Variants in IL17RD observed in about 807,000 individuals in gnomAD.
IL17RD encodes interleukin-17 receptor D.
IL17RD carries 52 observed loss-of-function variants against 80.5 expected under a neutral mutation model. That is an observed-to-expected ratio of 0.65 (90% CI 0.52 to 0.81). The LOEUF is 0.81. Among genes scored for constraint, IL17RD ranks in the 40% least tolerant of loss-of-function variants. The pLI is 0.00. For missense variants in IL17RD, 1,024 were observed against 955.1 expected, an observed-to-expected ratio of 1.07 and a Z score of -0.95; for synonymous variants, 416 against 391.8, an observed-to-expected ratio of 1.06 and a Z score of -0.73.
intron 1 of IL17RD, among the ~76,000 whole-genome samples, chr3:57,127,197 T>TAA (rs1553625528): frequency 2.5e-4 from 25 of 99,136 alleles, no homozygotes; most frequent in Admixed American, 2.1e-3. Flanking sequence ...TATATATATA[T>TAA]AAATATATAT....
chr3:57,097,527 C>T, intron 12 of IL17RD, 69 bp downstream of exon 12: 1 of 1,290,222 alleles, frequency 7.8e-7, no homozygotes, highest in South Asian at 1.3e-5. Context: ...TGGAAAAACG[C>T]TTTGACTGAT....
chr3:57,159,115 T>G (rs906740347), intron 1 of IL17RD, among the ~76,000 whole-genome samples: 1 of 147,804 alleles, frequency 6.8e-6, no homozygotes, highest in African/African-American at 2.5e-5. Flanking sequence ...ACAATGTCGA[T>G]ATCTCTTCTT....
In IL17RD at chr3:57,106,656, G is replaced by A. The variant is rs146390645; in HGVS notation, c.551-502C>T. ...TGATGGTTTCTTGAAATTACATGCA[G>A]GCATATAAGTAGTAGTGTCAGCACT... is the stretch of plus-strand genomic sequence containing the variant. On this transcript the variant is annotated intron_variant, in intron 5 of 12. Coordinates refer to ENST00000296318, the MANE Select transcript of IL17RD (RefSeq NM_017563.5). Among the ~76,000 whole-genome samples, 59 of 152,286 alleles carry A rather than the reference G, an allele frequency of 3.9e-4. 1 individual carries two copies. The highest frequency in any genetic ancestry group is 1.2e-3 in the African/African-American group (51 of 41,554).
At chr3:57,115,523 C>T (rs1383176773) in intron 2 of IL17RD, among the ~76,000 whole-genome samples, 3 of 152,186 alleles carry the variant, frequency 2.0e-5, no homozygotes, top group Admixed American at 1.3e-4. Flanking sequence ...TCACTGCCAC[C>T]TGTCAATGTA....
Position 57,097,737 on chromosome 3 carries a change from A to AG in IL17RD, c.1965dup (p.Ser656LeufsTer11). Reference sequence around the variant, plus strand: ...ATGCCTGAGTCCCGCGGCATGTCCGAGGGGCTGCCGGCTTTCACCGTGTGC... The same window carrying AG: ...ATGCCTGAGTCCCGCGGCATGTCCGAGGGGGCTGCCGGCTTTCACCGTGTGC... On this transcript the variant is annotated frameshift_variant, in exon 12 of 13. Transcript: ENST00000296318. LOFTEE classifies it high-confidence loss of function. 2.5e-6 allele frequency: 4 copies of AG among 1,602,616 alleles called. No individual in the cohort carries two copies. The highest frequency in any genetic ancestry group is 3.4e-6 in the Non-Finnish European group (4 of 1,173,752).
intron 1 of IL17RD, among the ~76,000 whole-genome samples, chr3:57,127,408 A>ATTT (rs1266033860): frequency 2.3e-5 from 2 of 87,214 alleles, no homozygotes; most frequent in African/African-American, 8.5e-5. Context: ...ATATATATAT[A>ATTT]TATATTTTTT....
intron 1 of IL17RD, among the ~76,000 whole-genome samples, chr3:57,142,773 A>AC (rs1707855240): frequency 6.6e-6 from 1 of 150,548 alleles, no homozygotes; most frequent in African/African-American, 2.4e-5. Flanking sequence ...GAAAACCACC[A>AC]CCCTGGGGAT....
chr3:57,118,615 G>A (rs1707267718), intron 2 of IL17RD, among the ~76,000 whole-genome samples: 1 of 152,142 alleles, frequency 6.6e-6, no homozygotes, highest in Non-Finnish European at 1.5e-5. Context: ...GAAAGGAGCT[G>A]CTTAGAAAAA....
chr3:57,146,715 A>G (rs953379396), intron 1 of IL17RD, among the ~76,000 whole-genome samples: 9 of 144,186 alleles, frequency 6.2e-5, no homozygotes, highest in African/African-American at 1.0e-4. Flanking sequence ...ACGCCACTGC[A>G]CTCCAGCCTG....
chr3:57,142,361 T>C (rs529722976), intron 1 of IL17RD: 56 of 480,344 alleles, frequency 1.2e-4, no homozygotes, highest in African/African-American at 1.1e-3. Context: ...GTTCTTTCTT[T>C]TGTGGAGAAG....
At chr3:57,170,000 C>A (rs2060362483), upstream of IL17RD, among the ~76,000 whole-genome samples, 1 of 152,204 alleles carries the variant, frequency 6.6e-6, no homozygotes, top group African/African-American at 2.4e-5. Context: ...GGACCCCGAT[C>A]GCCTGGCCTG....
intron 1 of IL17RD, 38 bp from the exon 2 acceptor site, chr3:57,120,351 C>A: frequency 6.6e-7 from 1 of 1,522,874 alleles, no homozygotes; most frequent in Non-Finnish European, 9.1e-7. Flanking sequence ...AGAGTGAAGC[C>A]AATTTGCTCT....
chr3:57,098,055 G>T lies in IL17RD; in HGVS notation c.1648C>A (p.His550Asn), dbSNP rs769141799. ...RSLYVAICNM[H>N]QFIDEEPDWF... Reference sequence around the variant, plus strand: ...TCGGGCTCCTCGTCAATAAACTGGTGCATGTTGCAAATGGCGACGTATAGG... The same window carrying T: ...TCGGGCTCCTCGTCAATAAACTGGTTCATGTTGCAAATGGCGACGTATAGG... Residue 550 changes from histidine to asparagine, a missense_variant, in exon 12 of 13, where the codon CAC becomes AAC. By Grantham distance (68) the His-to-Asn change is moderately conservative. Transcript: ENST00000296318. The T allele has an allele frequency of 1.2e-6, 2 of 1,614,008 alleles. No homozygotes were observed. The highest frequency in any genetic ancestry group is 1.1e-5 in the South Asian group (1 of 91,084).
intron 8 of IL17RD, among the ~76,000 whole-genome samples, 173 bp downstream of exon 8, chr3:57,104,169 G>T (rs1194119397): frequency 6.6e-6 from 1 of 151,494 alleles, no homozygotes; most frequent in African/African-American, 2.4e-5. Flanking sequence ...TTAATGAAGA[G>T]ATCAAAAATC....
chr3:57,129,494 G>C (rs920747844), intron 1 of IL17RD, among the ~76,000 whole-genome samples: 1 of 152,140 alleles, frequency 6.6e-6, no homozygotes, highest in Admixed American at 6.6e-5. Flanking sequence ...AAATACCACT[G>C]TTTCCGAGGC....
Position 57,097,666 on chromosome 3 carries a change from C to G in IL17RD, c.2037G>C (p.Met679Ile). 6.2e-7 allele frequency: 1 copy of G among 1,604,276 alleles called. No individual in the cohort carries two copies. Among genetic ancestry groups the G allele is most frequent in the Non-Finnish European group, 8.5e-7 (1 of 1,175,802 alleles). Residue 679 changes from methionine to isoleucine, a missense_variant, in exon 12 of 13, where the codon ATG becomes ATC. By Grantham distance (10) the Met-to-Ile change is conservative. Coordinates refer to ENST00000296318, the MANE Select transcript of IL17RD (RefSeq NM_017563.5). The part of the protein sequence containing the change: ...VPSSELSLPL[M>I]EGLSTDQTET... ...CTGTCTGGTCCGTCGAGAGTCCTTC[C>G]ATCAGTGGCAGAGACAGCTCGGATG...
At chr3:57,122,738 G>A (rs973908907) in intron 1 of IL17RD, among the ~76,000 whole-genome samples, 3 of 35,862 alleles carry the variant, frequency 8.4e-5, no homozygotes, top group Admixed American at 6.7e-4. Flanking sequence ...CTCCTCAACT[G>A]TCTTTTTTTT....
intron 1 of IL17RD, among the ~76,000 whole-genome samples, chr3:57,125,084 G>A (rs1323626928): frequency 2.0e-5 from 3 of 152,186 alleles, no homozygotes; most frequent in African/African-American, 7.2e-5. Context: ...GTGACTCTGG[G>A]TAAATTTCTG....
intron 11 of IL17RD, among the ~76,000 whole-genome samples, chr3:57,100,784 T>G (rs1706810075): frequency 6.6e-6 from 1 of 152,218 alleles, no homozygotes; most frequent in Non-Finnish European, 1.5e-5. Flanking sequence ...ACTGCTTTAC[T>G]TGCCACTCTC....
Sources: allele counts gnomAD v4.1 joint callset (sites outside exome capture counted in the v4.1 genomes callset), GRCh38; gene constraint gnomAD v4.1.1; transcripts MANE v1.5; gene names NCBI Gene and HGNC (gene_info 2026-07-23, HGNC 2026-07-21).